The following PRRC2C variants were observed in gnomAD, a reference collection of about 807,000 sequenced individuals.
PRRC2C encodes proline rich coiled-coil 2C.
In PRRC2C, 72 loss-of-function variants were observed where a neutral mutation model predicts 317.2. That is an observed-to-expected ratio of 0.23 (90% CI 0.19 to 0.28). PRRC2C has a LOEUF of 0.28. Among genes scored for constraint, PRRC2C ranks in the 10% least tolerant of loss-of-function variants. PRRC2C has a pLI of 1.00. For synonymous variants in PRRC2C, 1,296 were observed against 1,205.9 expected (o/e 1.07, Z -1.55); for missense variants, 3,074 against 3,459.7 (o/e 0.89, Z 2.80).
chr1:171,555,880 A>AC (rs1681276358), intron 18 of PRRC2C, among the ~76,000 whole-genome samples: 1 of 152,134 alleles, frequency 6.6e-6, no homozygotes, highest in Non-Finnish European at 1.5e-5. Context: ...AGGGCCAGGG[A>AC]CCCACTTGAG....
At chr1:171,522,831 T>G (rs1673836475) in intron 7 of PRRC2C, among the ~76,000 whole-genome samples, 1 of 151,486 alleles carries the variant, frequency 6.6e-6, no homozygotes, top group African/African-American at 2.4e-5. Flanking sequence ...TGTTTTTCTC[T>G]TCTTCCTTTC....
At chr1:171,556,605 G>A (rs558583223) in intron 18 of PRRC2C, among the ~76,000 whole-genome samples, 13 of 152,240 alleles carry the variant, frequency 8.5e-5, no homozygotes, top group African/African-American at 2.4e-4. Context: ...ACAACATATC[G>A]TATGCTAGGG....
At chr1:171,498,783 C>A (rs1420690778) in intron 1 of PRRC2C, among the ~76,000 whole-genome samples, 1 of 152,166 alleles carries the variant, frequency 6.6e-6, no homozygotes, top group African/African-American at 2.4e-5. Context: ...TCTGTATACC[C>A]TTGCTCTCCA....
In PRRC2C at chr1:171,580,068, G is replaced by T. The variant is rs183333541; in HGVS notation, c.7409+104G>T. On this transcript the variant is annotated intron_variant, in intron 28 of 34. Coordinates refer to ENST00000647382, the MANE Select transcript of PRRC2C (RefSeq NM_001387844.1). ...GTTCCTTCCCAAAAAAACCTAGGAT[G>T]ACTCTGCTATAAACTACATTGGCTA... 519 of 1,067,264 alleles carry T rather than the reference G, an allele frequency of 4.9e-4. 2 individuals carry two copies. The African/African-American group carries it at 7.6e-3, about 16-fold the overall frequency. The allele number at this position is 1,067,264 out of a possible 1,614,324, so 66.1% of individuals were successfully genotyped here.
chr1:171,502,225 T>C (rs1390835081), intron 1 of PRRC2C, among the ~76,000 whole-genome samples: 1 of 152,252 alleles, frequency 6.6e-6, no homozygotes, highest in Non-Finnish European at 1.5e-5. Flanking sequence ...CGTTCTTAGA[T>C]TGAAATTGGT....
At chr1:171,522,149 A>C in intron 6 of PRRC2C, 28 bp from the exon 7 acceptor site, 2 of 1,371,780 alleles carry the variant, frequency 1.5e-6, no homozygotes, top group Non-Finnish European at 2.0e-6. Context: ...TGCTAAATTT[A>C]TCACAATTTT....
chr1:171,568,373 ATTG>A, intron 23 of PRRC2C, 34 bp downstream of exon 23: 1 of 1,568,568 alleles, frequency 6.4e-7, no homozygotes. Flanking sequence ...GCAAGTTTGG[ATTG>A]GAACCTGGCT....
At chr1:171,518,156 T>A (rs1427921123) in intron 6 of PRRC2C, among the ~76,000 whole-genome samples, 1 of 152,222 alleles carries the variant, frequency 6.6e-6, no homozygotes, top group African/African-American at 2.4e-5. Flanking sequence ...TCATATCACA[T>A]TACATTCAAC....
Position 171,537,434 on chromosome 1 carries a change from C to T in PRRC2C, c.2465C>T (p.Ala822Val), listed in dbSNP as rs1356909256. 6.3e-7 allele frequency: 1 copy of T among 1,582,830 alleles called. No individual in the cohort carries two copies. The highest frequency in any genetic ancestry group is 1.2e-5 in the South Asian group (1 of 86,394). The change falls in exon 15 of 35, where the codon GCA becomes GTA. Residue 822 changes from alanine to valine, a missense_variant. Coordinates refer to ENST00000647382, the MANE Select transcript of PRRC2C (RefSeq NM_001387844.1). ...DPYPHAEPQQ[A>V]TTPKATEEPE... ...TATCCTCATGCTGAGCCTCAACAAGCAACTACTCCCAAAGCAACAGAAGAG... is the reference window on the plus strand; with the variant it reads ...TATCCTCATGCTGAGCCTCAACAAGTAACTACTCCCAAAGCAACAGAAGAG...
At chr1:171,489,638 T>A (rs919489660) in intron 1 of PRRC2C, among the ~76,000 whole-genome samples, 56 of 152,348 alleles carry the variant, frequency 3.7e-4, no homozygotes, top group Non-Finnish European at 7.3e-5. Context: ...AAACTAAGAC[T>A]ATTTTTTGAA....
intron 1 of PRRC2C, chr1:171,510,240 A>G (rs557743053): frequency 1.3e-5 from 2 of 152,300 alleles, no homozygotes; most frequent in African/African-American, 2.4e-5. Flanking sequence ...ATTTGCTCCT[A>G]GGAAGTTTAA....
chr1:171,526,803 A>ATTTTTTTTTTTTTTTTT (rs1557918055), intron 10 of PRRC2C, among the ~76,000 whole-genome samples: 3 of 85,816 alleles, frequency 3.5e-5, no homozygotes, highest in Non-Finnish European at 7.2e-5. Flanking sequence ...TCAGAAATAT[A>ATTTTTTTTTTTTTTTTT]TCTTTTTTTT....
intron 28 of PRRC2C, among the ~76,000 whole-genome samples, chr1:171,582,579 C>T (rs536174333): frequency 2.6e-5 from 4 of 152,226 alleles, no homozygotes; most frequent in Admixed American, 6.5e-5. Context: ...GCTATAAACC[C>T]GTGCAGCATT....
chr1:171,511,258 A>AAAT (rs1671329970), intron 1 of PRRC2C: 1 of 152,220 alleles, frequency 6.6e-6, no homozygotes, highest in Non-Finnish European at 1.5e-5. Flanking sequence ...AATTGAAGGG[A>AAAT]AATAGCATGA....
In PRRC2C at chr1:171,542,128, G is replaced by A. The variant is rs1334478371; in HGVS notation, c.4662G>A (p.Gln1554=). 6.2e-7 allele frequency: 1 copy of A among 1,613,244 alleles called. No individual in the cohort carries two copies. Among genetic ancestry groups the A allele is most frequent in the East Asian group, 2.2e-5 (1 of 44,866 alleles). The change falls in exon 16 of 35, where the codon CAG becomes CAA. Residue 1554 remains glutamine (Q), a synonymous_variant. Coordinates refer to ENST00000647382, the MANE Select transcript of PRRC2C (RefSeq NM_001387844.1). ...CTAGTCAGAGACCAGTAGATCGTCA[G>A]AATCGACGTGGCAACAATGGTCCAC... The part of the protein sequence containing the change: ...SFSSQRPVDR[Q]NRRGNNGPPK...
chr1:171,592,121 AT>A lies in PRRC2C; in HGVS notation c.*281del. 3.7e-5 allele frequency: 12 copies of A among 320,082 alleles called. No individual in the cohort carries two copies. The highest frequency in any genetic ancestry group is 5.1e-5 in the Non-Finnish European group (9 of 176,558). The allele number at this position is 320,082 out of a possible 1,614,324, so 19.8% of individuals were successfully genotyped here. Reference sequence around the variant, plus strand: ...AATTTATATATAAATGTATGCACCCATTTTTTTGAGTGCATATAATTTAGAC... The same window carrying A: ...AATTTATATATAAATGTATGCACCCATTTTTTGAGTGCATATAATTTAGAC... On this transcript the variant is annotated 3_prime_UTR_variant, in exon 35 of 35. Coordinates refer to ENST00000647382, the MANE Select transcript of PRRC2C (RefSeq NM_001387844.1).
In PRRC2C at chr1:171,514,661, T is replaced by A; in HGVS notation, c.400+16T>A. 6.5e-7 allele frequency: 1 copy of A among 1,546,334 alleles called. No individual in the cohort carries two copies. Among genetic ancestry groups the A allele is most frequent in the East Asian group, 2.4e-5 (1 of 40,940 alleles). On this transcript the variant is annotated intron_variant, in intron 4 of 34. Transcript: ENST00000647382. Reference sequence around the variant, plus strand: ...CAAGGAGATGGTAAGTGGACATTAGTTGGGGAAGCTGCCTAGGCTTGATAG... The same window carrying A: ...CAAGGAGATGGTAAGTGGACATTAGATGGGGAAGCTGCCTAGGCTTGATAG...
intron 1 of PRRC2C, among the ~76,000 whole-genome samples, chr1:171,504,997 T>C (rs1669906123): frequency 6.6e-6 from 1 of 151,970 alleles, no homozygotes; most frequent in Non-Finnish European, 1.5e-5. Context: ...CTTACGTATC[T>C]TTTGTCAGAT....
chr1:171,514,666 GAAGC>G, intron 4 of PRRC2C, 21 bp downstream of exon 4: 1 of 1,542,532 alleles, frequency 6.5e-7, no homozygotes, highest in Non-Finnish European at 8.8e-7. Flanking sequence ...ATTAGTTGGG[GAAGC>G]TGCCTAGGCT....
Sources: gnomAD v4.1 joint callset for allele counts (sites outside exome capture counted in the v4.1 genomes callset) on GRCh38, gnomAD v4.1.1 for gene constraint, MANE v1.5 for transcripts, NCBI Gene and HGNC (gene_info 2026-07-23, HGNC 2026-07-21) for gene names.